The following SLC2A13 variants were observed in gnomAD, a reference collection of about 807,000 sequenced individuals.
SLC2A13 encodes proton myo-inositol cotransporter.
A neutral mutation model predicts 64.4 loss-of-function variants in SLC2A13; 32 were observed. The ratio of observed to expected loss-of-function variants is 0.50; its 90% CI spans 0.37 to 0.67. The LOEUF (loss-of-function observed/expected upper bound fraction) is 0.67, where lower values mean the gene tolerates loss of function less well. Among genes scored for constraint, SLC2A13 ranks in the 30% least tolerant of loss-of-function variants. The pLI is 0.00. For synonymous variants in SLC2A13, 338 were observed against 327.1 expected (o/e 1.03, Z -0.36); for missense variants, 743 against 829.2 (o/e 0.90, Z 1.28).
chr12:39,876,784 A>C (rs771705278), intron 4 of SLC2A13, among the ~76,000 whole-genome samples: 2 of 152,168 alleles, frequency 1.3e-5, no homozygotes, highest in Non-Finnish European at 2.9e-5. Context: ...TTAATTTCAT[A>C]AATAAAAGGG....
chr12:39,829,424 T>TTTTTTTTA (rs1942793404), intron 7 of SLC2A13: 1 of 127,956 alleles, frequency 7.8e-6, no homozygotes, highest in Non-Finnish European at 1.6e-5. Context: ...TTCTTTTTTT[T>TTTTTTTTA]GAGGCAGAGT....
intron 7 of SLC2A13, among the ~76,000 whole-genome samples, chr12:39,780,130 C>A (rs932634787): frequency 6.6e-6 from 1 of 152,184 alleles, no homozygotes; most frequent in Admixed American, 6.5e-5. Context: ...ATACAAAACA[C>A]CATTCGTATA....
chr12:39,781,766 G>A (rs376089903), intron 7 of SLC2A13, among the ~76,000 whole-genome samples: 14 of 152,156 alleles, frequency 9.2e-5, no homozygotes, highest in East Asian at 1.9e-4. Flanking sequence ...GACATTTGTC[G>A]TGCTTCTCTT....
chr12:39,944,258 C>A (rs1395394806), intron 4 of SLC2A13, among the ~76,000 whole-genome samples: 2 of 152,180 alleles, frequency 1.3e-5, no homozygotes, highest in Non-Finnish European at 2.9e-5. Flanking sequence ...CATTTTATGG[C>A]CTATCATATG....
At chr12:39,866,266 A>C (rs1036337529) in intron 5 of SLC2A13, among the ~76,000 whole-genome samples, 11 of 152,202 alleles carry the variant, frequency 7.2e-5, no homozygotes, top group Non-Finnish European at 1.5e-4. Context: ...TGTTTAAGAC[A>C]TAGTAGGTGT....
chr12:39,835,190 G>A (rs535522257), intron 6 of SLC2A13, among the ~76,000 whole-genome samples: 2 of 152,042 alleles, frequency 1.3e-5, no homozygotes, highest in South Asian at 4.1e-4. Flanking sequence ...CTTCCACAGT[G>A]TGACCTGGAC....
intron 3 of SLC2A13, among the ~76,000 whole-genome samples, chr12:40,010,788 A>G (rs1181687055): frequency 6.6e-6 from 1 of 152,194 alleles, no homozygotes; most frequent in Non-Finnish European, 1.5e-5. Flanking sequence ...AACCAGCACA[A>G]TGGCATAAAC....
chr12:39,808,662 AT>A (rs1566814508), intron 7 of SLC2A13, among the ~76,000 whole-genome samples: 2 of 151,906 alleles, frequency 1.3e-5, no homozygotes, highest in Non-Finnish European at 2.9e-5. Context: ...ATTTTTTTGC[AT>A]TTCTTTAATG....
At chr12:39,985,473 C>T (rs927715752) in intron 3 of SLC2A13, among the ~76,000 whole-genome samples, 2 of 151,990 alleles carry the variant, frequency 1.3e-5, no homozygotes, top group Non-Finnish European at 2.9e-5. Context: ...CAGTGTGTCT[C>T]TAAATAGCTT....
At chr12:40,079,224 T>C (rs910477692) in intron 1 of SLC2A13, among the ~76,000 whole-genome samples, 1 of 152,214 alleles carries the variant, frequency 6.6e-6, no homozygotes, top group African/African-American at 2.4e-5. Flanking sequence ...GGGTTGTTAA[T>C]CTGAGCTCTA....
chr12:39,935,340 A>C (rs1322726440), intron 4 of SLC2A13, among the ~76,000 whole-genome samples: 5 of 152,234 alleles, frequency 3.3e-5, no homozygotes, highest in Non-Finnish European at 7.3e-5. Flanking sequence ...GGTCAGGACT[A>C]ACTTGGCAAC....
chr12:39,761,877 T>C (rs1940164450), intron 9 of SLC2A13, among the ~76,000 whole-genome samples: 1 of 152,090 alleles, frequency 6.6e-6, no homozygotes, highest in South Asian at 2.1e-4. Flanking sequence ...TTTATCTTCA[T>C]CATTATCTTT....
At chr12:39,802,118 T>C (rs1276093799) in intron 7 of SLC2A13, 2 of 152,302 alleles carry the variant, frequency 1.3e-5, no homozygotes, top group African/African-American at 4.8e-5. Context: ...AAGGCCCCGC[T>C]GGTTTCATGG....
At chr12:40,020,829 A>T (rs7969495) in intron 3 of SLC2A13, among the ~76,000 whole-genome samples, 1 of 151,950 alleles carries the variant, frequency 6.6e-6, no homozygotes, top group Non-Finnish European at 1.5e-5. Flanking sequence ...TATCACCTAT[A>T]CTGAATGATG....
chr12:40,032,341 G>C (rs1947918276), intron 2 of SLC2A13, among the ~76,000 whole-genome samples: 1 of 152,164 alleles, frequency 6.6e-6, no homozygotes, highest in Admixed American at 6.5e-5. Context: ...AAGCTCTCAT[G>C]AGTTTTTAAA....
At chr12:39,777,456 A>G (rs540011111) in intron 7 of SLC2A13, among the ~76,000 whole-genome samples, 1 of 152,318 alleles carries the variant, frequency 6.6e-6, no homozygotes, top group East Asian at 1.9e-4. Flanking sequence ...AATGATATGG[A>G]AGGGAAGTGC....
intron 4 of SLC2A13, among the ~76,000 whole-genome samples, chr12:39,941,003 G>T (rs1592302519): frequency 6.6e-6 from 1 of 152,048 alleles, no homozygotes; most frequent in East Asian, 1.9e-4. Flanking sequence ...TAGAATAATA[G>T]TCTCCAATCT....
chr12:39,901,102 T>TTAA (rs1394758451), intron 4 of SLC2A13, among the ~76,000 whole-genome samples: 2 of 152,154 alleles, frequency 1.3e-5, no homozygotes, highest in Non-Finnish European at 2.9e-5. Flanking sequence ...GATTCCCTAT[T>TTAA]TAATAAATGG....
intron 4 of SLC2A13, among the ~76,000 whole-genome samples, chr12:39,925,905 C>T (rs917171729): frequency 6.6e-6 from 1 of 152,180 alleles, no homozygotes; most frequent in African/African-American, 2.4e-5. Flanking sequence ...AAACAATTTT[C>T]CTTCTTTGTC....
Sources: gnomAD v4.1 joint callset for allele counts (sites outside exome capture counted in the v4.1 genomes callset) on GRCh38, gnomAD v4.1.1 for gene constraint, MANE v1.5 for transcripts, NCBI Gene and HGNC (gene_info 2026-07-23, HGNC 2026-07-21) for gene names.